The following LYPD1 variants were observed in gnomAD, a reference collection of about 807,000 sequenced individuals.
LYPD1 encodes the protein LY6/PLAUR domain containing 1, also known as ly6/PLAUR domain-containing protein 1.
In LYPD1, 14 loss-of-function variants were observed where a neutral mutation model predicts 14.2. The ratio of observed to expected loss-of-function variants is 0.99; its 90% CI spans 0.65 to 1.54. The LOEUF is 1.54. Among genes scored for constraint, LYPD1 ranks in the 40% most tolerant of loss-of-function variants. The probability of loss-of-function intolerance (pLI) is 0.00; values close to 1 mark genes in which losing one functional copy is unlikely to be tolerated. For synonymous variants in LYPD1, 85 were observed against 70.6 expected, an observed-to-expected ratio of 1.20 and a Z score of -1.02; for missense variants, 165 against 175.7, an observed-to-expected ratio of 0.94 and a Z score of 0.34.
chr2:132,645,146 T>A lies in LYPD1; in HGVS notation c.*899A>T, dbSNP rs1681985626. The A allele has an allele frequency of 1.2e-6, 2 of 1,614,030 alleles. No homozygotes were observed. Among genetic ancestry groups the A allele is most frequent in the African/African-American group, 1.3e-5 (1 of 74,928 alleles). On this transcript the variant is annotated 3_prime_UTR_variant, in exon 3 of 3. Transcript: ENST00000397463. Reference sequence around the variant, plus strand: ...GCCGTATGCTGGATGCCCAACCAGATTCGGAGGATCATGGCTGCGGCCAAA... The same window carrying A: ...GCCGTATGCTGGATGCCCAACCAGAATCGGAGGATCATGGCTGCGGCCAAA...
Position 132,645,154 on chromosome 2 carries a change from A to T in LYPD1, c.*891T>A. 6.2e-7 allele frequency: 1 copy of T among 1,614,064 alleles called. No homozygotes were observed. Among genetic ancestry groups the T allele is most frequent in the Non-Finnish European group, 8.5e-7 (1 of 1,180,006 alleles). On this transcript the variant is annotated 3_prime_UTR_variant, in exon 3 of 3. Transcript: ENST00000397463. ...CTGGATGCCCAACCAGATTCGGAGGATCATGGCTGCGGCCAAACCCAAGCA... is the reference window on the plus strand; with the variant it reads ...CTGGATGCCCAACCAGATTCGGAGGTTCATGGCTGCGGCCAAACCCAAGCA...
intron 2 of LYPD1, among the ~76,000 whole-genome samples, chr2:132,656,392 A>G (rs1465036325): frequency 1.3e-5 from 2 of 152,250 alleles, no homozygotes; most frequent in Non-Finnish European, 2.9e-5. Flanking sequence ...ATCACAATAA[A>G]TATTCTATGC....
In LYPD1 at chr2:132,663,367, G is replaced by C. The variant is rs147525871; in HGVS notation, c.190+5033C>G. Among the ~76,000 whole-genome samples the C allele has an allele frequency of 1.5e-3, 225 of 152,192 alleles. 1 individual carries two copies. Among genetic ancestry groups the C allele is most frequent in the African/African-American group, 5.3e-3 (219 of 41,540 alleles). ...CAGCTCATTACAACCTCCACCTCCC[G>C]GGTTCAAGCAATTCTCACGTCTCAG... is the stretch of plus-strand genomic sequence containing the variant. On this transcript the variant is annotated intron_variant, in intron 2 of 2. Transcript: ENST00000397463.
rs1281855058 is a variant in LYPD1 at position 132,645,987 on chromosome 2, G to T, written c.*58C>A. Reference sequence around the variant, plus strand: ...AGAAGAAACTCACTCAGGGAGGTGGGGGGTTGGGGGCGAGGGCTGGAAGAA... The same window carrying T: ...AGAAGAAACTCACTCAGGGAGGTGGTGGGTTGGGGGCGAGGGCTGGAAGAA... On this transcript the variant is annotated 3_prime_UTR_variant, in exon 3 of 3. Transcript: ENST00000397463. The T allele has an allele frequency of 7.6e-7, 1 of 1,322,298 alleles. No homozygotes were observed. Among genetic ancestry groups the T allele is most frequent in the African/African-American group, 1.5e-5 (1 of 67,086 alleles). The allele number at this position is 1,322,298 out of a possible 1,614,324, so 81.9% of individuals were successfully genotyped here. A position where few individuals can be genotyped will look rare whatever the true frequency, so the allele number is the denominator to read the frequency against.
Position 132,660,080 on chromosome 2 carries a change from G to A in LYPD1, c.190+8320C>T, listed in dbSNP as rs538735811. On this transcript the variant is annotated intron_variant, in intron 2 of 2. Coordinates refer to ENST00000397463, the MANE Select transcript of LYPD1 (RefSeq NM_144586.7). The stretch of plus-strand genomic sequence containing the variant: ...GAGAGCCGCGTGCCTGGCGCGGCCC[G>A]CCTCTAGCACTGTCTCCAGTCATTC... Among the ~76,000 whole-genome samples the A allele has an allele frequency of 3.3e-5, 5 of 152,350 alleles. No homozygotes were observed. In the South Asian group the frequency reaches 6.2e-4, roughly 19 times the overall value.
chr2:132,655,460 A>G (rs997425080), intron 2 of LYPD1, among the ~76,000 whole-genome samples: 10 of 150,976 alleles, frequency 6.6e-5, no homozygotes, highest in Non-Finnish European at 1.2e-4. Flanking sequence ...CCCAGTTTGC[A>G]CAGTGTCCTA....
At chr2:132,659,994 G>A (rs927387997) in intron 2 of LYPD1, among the ~76,000 whole-genome samples, 13 of 152,206 alleles carry the variant, frequency 8.5e-5, no homozygotes, top group Non-Finnish European at 1.9e-4. Context: ...GGAGGGCATT[G>A]CAAACTGCTC....
chr2:132,662,040 C>T (rs1364202598), intron 2 of LYPD1, among the ~76,000 whole-genome samples: 1 of 151,762 alleles, frequency 6.6e-6, no homozygotes, highest in Non-Finnish European at 1.5e-5. Context: ...CACCAACTAT[C>T]AAGTGGGGAT....
intron 2 of LYPD1, among the ~76,000 whole-genome samples, chr2:132,659,698 G>A (rs534244327): frequency 1.1e-4 from 17 of 152,226 alleles, no homozygotes; most frequent in South Asian, 4.2e-4. Context: ...GTGTGGCTCC[G>A]GCCTATTGGC....
In LYPD1 at chr2:132,668,568, C is replaced by T. The variant is rs778088207; in HGVS notation, c.53-31G>A. 4 of 1,606,114 alleles carry T rather than the reference C, an allele frequency of 2.5e-6. No individual in the cohort carries two copies. The South Asian group carries it at 3.3e-5, about 13-fold the overall frequency. ...AGACAGACGCAGTCGGGTTCAGATC[C>T]GGCCCCCACAGAGCCCACCCCGGAA... On this transcript the variant is annotated intron_variant, in intron 1 of 2. Transcript: ENST00000397463.
chr2:132,645,200 T>A lies in LYPD1; in HGVS notation c.*845A>T. The A allele has an allele frequency of 1.2e-6, 2 of 1,614,196 alleles. No individual in the cohort carries two copies. The highest frequency in any genetic ancestry group is 1.7e-6 in the Non-Finnish European group (2 of 1,180,042). ...AAGCACGACTGGACGAGGTCCTACT[T>A]CCGGGCGTACATGATCCTCCTCCCC... On this transcript the variant is annotated 3_prime_UTR_variant, in exon 3 of 3. Transcript: ENST00000397463.
rs184928879 is a variant in LYPD1, at chr2:132,656,213, A to C, written c.191-9933T>G. Among the ~76,000 whole-genome samples the C allele has an allele frequency of 4.6e-5, 7 of 152,286 alleles. No homozygotes were observed. The East Asian group carries it at 1.4e-3, about 29-fold the overall frequency. ...TCTTTTTTGCTGTACAAAGACAGAA[A>C]TTTCTAAACAGAGCCTTTAATAGTC... On this transcript the variant is annotated intron_variant, in intron 2 of 2. Coordinates refer to ENST00000397463, the MANE Select transcript of LYPD1 (RefSeq NM_144586.7).
At chr2:132,657,508 C>G (rs1314571288) in intron 2 of LYPD1, among the ~76,000 whole-genome samples, 2 of 152,188 alleles carry the variant, frequency 1.3e-5, no homozygotes, top group Non-Finnish European at 2.9e-5. Context: ...CATACAAATT[C>G]ACCCAAATGT....
chr2:132,654,599 G>A (rs979766581), intron 2 of LYPD1, among the ~76,000 whole-genome samples: 2 of 152,030 alleles, frequency 1.3e-5, no homozygotes, highest in Non-Finnish European at 2.9e-5. Flanking sequence ...TGCCTCAAAG[G>A]GCTTGGAGGC....
At chr2:132,665,203 T>G (rs1292996315) in intron 2 of LYPD1, among the ~76,000 whole-genome samples, 2 of 152,228 alleles carry the variant, frequency 1.3e-5, no homozygotes, top group African/African-American at 2.4e-5. Flanking sequence ...TGCCTCAAAA[T>G]TTTTAAGAGC....
chr2:132,665,530 A>G (rs1452864768), intron 2 of LYPD1, among the ~76,000 whole-genome samples: 1 of 152,188 alleles, frequency 6.6e-6, no homozygotes, highest in Non-Finnish European at 1.5e-5. Flanking sequence ...TGCCTGGACT[A>G]TCTTTTCAGG....
At chr2:132,646,514 C>T (rs1306965656) in intron 2 of LYPD1, 3 of 390,676 alleles carry the variant, frequency 7.7e-6, no homozygotes, top group Admixed American at 8.9e-5. Flanking sequence ...TTTGAGATGC[C>T]AATACCTGTG....
Position 132,645,522 on chromosome 2 carries a change from G to A in LYPD1, c.*523C>T. 1.2e-6 allele frequency: 2 copies of A among 1,614,166 alleles called. No homozygotes were observed. Among genetic ancestry groups the A allele is most frequent in the East Asian group, 2.2e-5 (1 of 44,860 alleles). ...AGCCCCAGTCTAAGTCCCAGTCATT[G>A]AGTCTCGAGTCACTAGAGCCCAACT... On this transcript the variant is annotated 3_prime_UTR_variant, in exon 3 of 3. Transcript: ENST00000397463.
At chr2:132,659,074 T>A (rs1233513085) in intron 2 of LYPD1, among the ~76,000 whole-genome samples, 2 of 152,200 alleles carry the variant, frequency 1.3e-5, no homozygotes, top group Non-Finnish European at 2.9e-5. Context: ...TTCAGAGTGG[T>A]TCCTTAAATT....
Sources: gnomAD v4.1 joint callset for allele counts (sites outside exome capture counted in the v4.1 genomes callset) on GRCh38, gnomAD v4.1.1 for gene constraint, MANE v1.5 for transcripts, NCBI Gene and HGNC (gene_info 2026-07-23, HGNC 2026-07-21) for gene names.